Variants in NAV2 observed in about 807,000 individuals in gnomAD.
The protein encoded by NAV2 is neuron navigator 2, also known as helicase, APC down-regulated 1.
Under a neutral mutation model 223.2 loss-of-function variants are expected in NAV2, and 54 were observed. The ratio of observed to expected loss-of-function variants is 0.24; its 90% CI spans 0.19 to 0.30. The LOEUF (loss-of-function observed/expected upper bound fraction) is 0.30. Ranked by LOEUF, NAV2 falls within the 10% of genes least tolerant of loss-of-function variation. NAV2 has a pLI of 1.00. For missense variants in NAV2, 2,806 were observed against 3,147.5 expected (o/e 0.89, Z 2.60); for synonymous variants, 1,279 against 1,239.3 (o/e 1.03, Z -0.67).
chr11:19,727,252 A>G (rs569049119), intron 1 of NAV2, among the ~76,000 whole-genome samples: 1 of 152,320 alleles, frequency 6.6e-6, no homozygotes, highest in Non-Finnish European at 1.5e-5. Context: ...TGGTTGAGAT[A>G]GCACCTTTCA....
intron 10 of NAV2, among the ~76,000 whole-genome samples, chr11:19,951,967 TAGCCCAGATGGA>T (rs2047433632): frequency 6.6e-6 from 1 of 152,226 alleles, no homozygotes; most frequent in Non-Finnish European, 1.5e-5. Context: ...TGAGGAGAGG[TAGCCCAGATGGA>T]ACCTAATGCT....
At chr11:19,807,786 TTC>T (rs2058654443) in intron 1 of NAV2, among the ~76,000 whole-genome samples, 1 of 152,184 alleles carries the variant, frequency 6.6e-6, no homozygotes, top group Admixed American at 6.5e-5. Context: ...TCTCAAAAAA[TTC>T]TCTCTCTACA....
At chr11:19,598,617 T>C (rs1006455377) in intron 1 of NAV2, among the ~76,000 whole-genome samples, 2 of 152,130 alleles carry the variant, frequency 1.3e-5, no homozygotes, top group Non-Finnish European at 2.9e-5. Context: ...AATATAATTA[T>C]TACTATCAGC....
chr11:19,936,687 G>C (rs938865504), intron 7 of NAV2, among the ~76,000 whole-genome samples: 1 of 152,220 alleles, frequency 6.6e-6, no homozygotes, highest in Non-Finnish European at 1.5e-5. Flanking sequence ...ACTGGCTGCA[G>C]GAACAGGTAT....
chr11:19,419,954 G>C (rs1307917279), intron 1 of NAV2, among the ~76,000 whole-genome samples: 1 of 152,156 alleles, frequency 6.6e-6, no homozygotes. Context: ...CAAAGCCCTG[G>C]GTCAGGGCTT....
chr11:19,380,356 A>G (rs947024639), intron 1 of NAV2: 2 of 152,190 alleles, frequency 1.3e-5, no homozygotes, highest in African/African-American at 4.8e-5. Flanking sequence ...AGTCTGGAAG[A>G]CACTAGCTAG....
At chr11:19,749,103 T>C in intron 1 of NAV2, among the ~76,000 whole-genome samples, 1 of 152,258 alleles carries the variant, frequency 6.6e-6, no homozygotes, top group Non-Finnish European at 1.5e-5. Context: ...CTCTTATTTT[T>C]AGAAGCAGCA....
chr11:20,036,116 C>T lies in NAV2; in HGVS notation c.2907+19C>T, dbSNP rs756899198. ...TGTGCAGGTGAGGAACACAGGCCCTCCCAGGCTCCTCCAGCAGCCTCTGGC... is the reference window on the plus strand; with the variant it reads ...TGTGCAGGTGAGGAACACAGGCCCTTCCAGGCTCCTCCAGCAGCCTCTGGC... On this transcript the variant is annotated intron_variant, in intron 12 of 37. Transcript: ENST00000349880. 1 of 1,614,060 alleles carries T rather than the reference C, an allele frequency of 6.2e-7. No homozygotes were observed. The highest frequency in any genetic ancestry group is 1.1e-5 in the South Asian group (1 of 91,074).
intron 10 of NAV2, among the ~76,000 whole-genome samples, chr11:19,979,590 G>A (rs562856113): frequency 1.5e-4 from 23 of 152,120 alleles, no homozygotes; most frequent in South Asian, 2.1e-4. Flanking sequence ...GCTTTCTCCC[G>A]TGTGTTCTCA....
chr11:20,037,180 A>T (rs540328009), intron 12 of NAV2, among the ~76,000 whole-genome samples: 2 of 151,888 alleles, frequency 1.3e-5, no homozygotes, highest in South Asian at 4.2e-4. Context: ...TCTTTGGCGA[A>T]CCCTTGGAGA....
chr11:19,909,830 C>T (rs956052374), intron 6 of NAV2, among the ~76,000 whole-genome samples: 1 of 152,094 alleles, frequency 6.6e-6, no homozygotes, highest in African/African-American at 2.4e-5. Context: ...ATCCTAAAGC[C>T]TTCCATGTGT....
chr11:19,627,190 C>T (rs2047196286), intron 1 of NAV2, among the ~76,000 whole-genome samples: 2 of 152,092 alleles, frequency 1.3e-5, no homozygotes, highest in Admixed American at 1.3e-4. Context: ...GAGTTCGAGA[C>T]CAGCCTAGCC....
At chr11:19,946,251 C>A in intron 8 of NAV2, 150 bp from the exon 9 acceptor site, 2 of 610,680 alleles carry the variant, frequency 3.3e-6, no homozygotes, top group Non-Finnish European at 2.7e-6. Flanking sequence ...TCCATTCAAT[C>A]ATTCATTCAT....
At chr11:19,426,003 T>A (rs902519372) in intron 1 of NAV2, among the ~76,000 whole-genome samples, 11 of 152,110 alleles carry the variant, frequency 7.2e-5, no homozygotes, top group Non-Finnish European at 1.5e-4. Context: ...TTACTGAGAG[T>A]TCTGATTTAG....
chr11:19,731,889 TAGG>T (rs923173254), intron 1 of NAV2, among the ~76,000 whole-genome samples: 1 of 152,044 alleles, frequency 6.6e-6, no homozygotes, highest in Non-Finnish European at 1.5e-5. Flanking sequence ...AAGTCAGAGG[TAGG>T]AGTTGAAGGA....
At chr11:19,664,123 C>A (rs902521852) in intron 1 of NAV2, among the ~76,000 whole-genome samples, 8 of 152,200 alleles carry the variant, frequency 5.3e-5, no homozygotes, top group African/African-American at 1.7e-4. Context: ...CCAGACCTCC[C>A]TTGAAGCCAG....
chr11:19,977,156 G>T (rs1277227816), intron 10 of NAV2, among the ~76,000 whole-genome samples: 1 of 152,210 alleles, frequency 6.6e-6, no homozygotes, highest in Non-Finnish European at 1.5e-5. Context: ...TCCCCCAAAG[G>T]CATGAAGGCC....
intron 11 of NAV2, among the ~76,000 whole-genome samples, chr11:19,985,945 T>TA (rs35163423): frequency 0.58 from 87,363 of 151,188 alleles, 26,277 homozygotes; most frequent in Middle Eastern, 0.71. Flanking sequence ...ATAATAACAG[T>TA]AAAAAAAAAT....
At chr11:20,005,253 ATTTTTTT>A (rs35999844) in intron 11 of NAV2, among the ~76,000 whole-genome samples, 8 of 134,554 alleles carry the variant, frequency 5.9e-5, no homozygotes, top group African/African-American at 1.1e-4. Context: ...ATATATATAT[ATTTTTTT>A]TTTTTTTTGA....
Sources: gnomAD v4.1 joint callset for allele counts (sites outside exome capture counted in the v4.1 genomes callset) on GRCh38, gnomAD v4.1.1 for gene constraint, MANE v1.5 for transcripts, NCBI Gene and HGNC (gene_info 2026-07-23, HGNC 2026-07-21) for gene names.